The following PRKCB variants were observed in gnomAD, a reference collection of about 807,000 sequenced individuals.
The protein encoded by PRKCB is protein kinase C beta, also known as protein kinase C beta type.
PRKCB carries 13 observed loss-of-function variants against 81.5 expected under a neutral mutation model. That is an observed-to-expected ratio of 0.16 (90% CI 0.10 to 0.25). The LOEUF is 0.25. PRKCB is among the 10% of genes least tolerant of loss of function. The pLI, the probability that PRKCB is intolerant of heterozygous loss-of-function variation, is 1.00. For missense variants in PRKCB, 509 were observed against 875.7 expected, an observed-to-expected ratio of 0.58 and a Z score of 5.29; for synonymous variants, 335 against 321.4, an observed-to-expected ratio of 1.04 and a Z score of -0.45.
intron 4 of PRKCB, 43 bp downstream of exon 4, chr16:24,032,290 G>A (rs753602648): frequency 1.4e-6 from 2 of 1,409,664 alleles, no homozygotes; most frequent in African/African-American, 1.4e-5. Flanking sequence ...GATGGCAGAA[G>A]CAATGGGAAG....
In PRKCB at chr16:24,185,103, T is replaced by C. The variant is rs758011367; in HGVS notation, c.1534-8T>C. 1.9e-5 allele frequency: 31 copies of C among 1,613,472 alleles called. No individual in the cohort carries two copies. The South Asian group carries it at 3.4e-4, about 18-fold the overall frequency. ...AACCTCCCTGATAGGGTGCCTTCTCTTTTCTAGATAATTGCTTATCAGCCC... is the reference window on the plus strand; with the variant it reads ...AACCTCCCTGATAGGGTGCCTTCTCCTTTCTAGATAATTGCTTATCAGCCC... On this transcript the variant is annotated splice_region_variant and splice_polypyrimidine_tract_variant and intron_variant, in intron 13 of 16. Coordinates refer to ENST00000643927, the MANE Select transcript of PRKCB (RefSeq NM_002738.7).
intron 5 of PRKCB, among the ~76,000 whole-genome samples, chr16:24,082,789 C>T (rs918438400): frequency 2.0e-5 from 3 of 149,318 alleles, no homozygotes; most frequent in Non-Finnish European, 4.4e-5. Context: ...TGTAGTTATA[C>T]AAAGAGTTCT....
At chr16:24,043,187 C>T (rs183140121) in intron 5 of PRKCB, among the ~76,000 whole-genome samples, 2 of 152,300 alleles carry the variant, frequency 1.3e-5, no homozygotes, top group African/African-American at 4.8e-5. Flanking sequence ...TGTCCCCACA[C>T]ACTGCACTCA....
At chr16:24,124,492 C>T (rs993663754) in intron 9 of PRKCB, among the ~76,000 whole-genome samples, 4 of 152,130 alleles carry the variant, frequency 2.6e-5, no homozygotes, top group African/African-American at 2.4e-5. Flanking sequence ...ATTAGTGACA[C>T]GATCGGATTT....
intron 9 of PRKCB, among the ~76,000 whole-genome samples, chr16:24,135,913 C>G (rs775177796): frequency 3.3e-5 from 5 of 152,136 alleles, no homozygotes; most frequent in African/African-American, 4.8e-5. Context: ...TCATATGGTT[C>G]ACAGATAGCT....
chr16:24,115,425 AT>A (rs762334399), intron 8 of PRKCB, among the ~76,000 whole-genome samples: 1 of 151,578 alleles, frequency 6.6e-6, no homozygotes, highest in Non-Finnish European at 1.5e-5. Context: ...TCCCAAGAGC[AT>A]TTACCCAAGA....
At chr16:23,975,917 G>T (rs1964619255) in intron 2 of PRKCB, among the ~76,000 whole-genome samples, 1 of 152,130 alleles carries the variant, frequency 6.6e-6, no homozygotes, top group African/African-American at 2.4e-5. Context: ...GGCTTGTACA[G>T]AGGAGTTGAG....
chr16:24,130,144 A>G lies in PRKCB; in HGVS notation c.1065+6163A>G, dbSNP rs118089011. On this transcript the variant is annotated intron_variant, in intron 9 of 16. Coordinates refer to ENST00000643927, the MANE Select transcript of PRKCB (RefSeq NM_002738.7). Reference sequence around the variant, plus strand: ...ATTTAACCAGAATTCAATATTTGCAATGATTATTTTAAAGGTAAAATTACA... The same window carrying G: ...ATTTAACCAGAATTCAATATTTGCAGTGATTATTTTAAAGGTAAAATTACA... Among the ~76,000 whole-genome samples the G allele has an allele frequency of 3.2e-3, 495 of 152,328 alleles. 2 individuals carry two copies. Among genetic ancestry groups the G allele is most frequent in the Admixed American group, 6.2e-3 (95 of 15,300 alleles).
chr16:24,140,273 T>G (rs917237844), intron 9 of PRKCB, among the ~76,000 whole-genome samples: 7 of 152,204 alleles, frequency 4.6e-5, no homozygotes, highest in Non-Finnish European at 7.3e-5. Context: ...TAGGACATCT[T>G]CATTTCTGGT....
chr16:24,208,559 TC>T (rs1968083635), intron 16 of PRKCB: 1 of 152,196 alleles, frequency 6.6e-6, no homozygotes, highest in Non-Finnish European at 1.5e-5. Flanking sequence ...TGGCCCCCAT[TC>T]CTGTTCCAGG....
At chr16:24,176,132 G>A (rs552713637) in intron 12 of PRKCB, among the ~76,000 whole-genome samples, 1 of 152,126 alleles carries the variant, frequency 6.6e-6, no homozygotes, top group East Asian at 1.9e-4. Context: ...CACACCTGAA[G>A]TGGTGATATG....
rs10657212 is a variant in PRKCB, at chr16:23,839,279, C to CTTTTTTTTTTT, written c.205+1877_205+1887dup. Among the ~76,000 whole-genome samples the CTTTTTTTTTTT allele has an allele frequency of 2.9e-5, 4 of 137,138 alleles. 1 individual carries two copies. The highest frequency in any genetic ancestry group is 4.6e-5 in the Non-Finnish European group (3 of 65,314). 90.0% of individuals were successfully genotyped at this position (137,138 alleles called of 152,430 possible). ...ATGGGCGCTCTAGAGATAGGAGTGT[C>CTTTTTTTTTTT]TTTTTTTTTTTTTTGACAGGGTCTC... On this transcript the variant is annotated intron_variant, in intron 2 of 16. Coordinates refer to ENST00000643927, the MANE Select transcript of PRKCB (RefSeq NM_002738.7).
At chr16:24,015,789 G>A (rs1455519422) in intron 3 of PRKCB, among the ~76,000 whole-genome samples, 1 of 152,156 alleles carries the variant, frequency 6.6e-6, no homozygotes, top group African/African-American at 2.4e-5. Flanking sequence ...ACTGACATAG[G>A]GAAGGTACTC....
chr16:24,101,474 G>A (rs1018998962), intron 7 of PRKCB, among the ~76,000 whole-genome samples: 7 of 152,234 alleles, frequency 4.6e-5, no homozygotes, highest in Non-Finnish European at 7.3e-5. Flanking sequence ...AGGAGGTTGA[G>A]GCTGCAATGA....
chr16:23,911,886 C>G (rs1427766316), intron 2 of PRKCB, among the ~76,000 whole-genome samples: 1 of 132,240 alleles, frequency 7.6e-6, no homozygotes, highest in Admixed American at 8.8e-5. Context: ...GGCTGGAGTG[C>G]AGTGGCAGGA....
chr16:23,868,399 T>C (rs748033730), intron 2 of PRKCB, among the ~76,000 whole-genome samples: 2 of 152,240 alleles, frequency 1.3e-5, no homozygotes, highest in Non-Finnish European at 2.9e-5. Flanking sequence ...CTCTGGGACA[T>C]GTACTGGCAT....
intron 2 of PRKCB, among the ~76,000 whole-genome samples, chr16:23,916,985 A>G (rs1478448861): frequency 6.6e-6 from 1 of 151,938 alleles, no homozygotes; most frequent in African/African-American, 2.4e-5. Flanking sequence ...CCTGTTGCCC[A>G]GGCTGGTCTT....
intron 2 of PRKCB, among the ~76,000 whole-genome samples, chr16:23,862,378 A>G (rs1962683941): frequency 6.6e-6 from 1 of 152,146 alleles, no homozygotes; most frequent in African/African-American, 2.4e-5. Context: ...TGTCTCTATT[A>G]TGGAATTCCT....
At chr16:24,002,842 C>T (rs933332217) in intron 3 of PRKCB, among the ~76,000 whole-genome samples, 2 of 152,174 alleles carry the variant, frequency 1.3e-5, no homozygotes, top group Non-Finnish European at 1.5e-5. Context: ...GCCTCGTTTG[C>T]CCTTCCAATC....
Sources: gnomAD v4.1 joint callset for allele counts (sites outside exome capture counted in the v4.1 genomes callset) on GRCh38, gnomAD v4.1.1 for gene constraint, MANE v1.5 for transcripts, NCBI Gene and HGNC (gene_info 2026-07-23, HGNC 2026-07-21) for gene names.